ZER1: variants seen among roughly 807,000 people sequenced by gnomAD.
ZER1 encodes the protein zyg-11 related cell cycle regulator.
ZER1 carries 11 observed loss-of-function variants against 78.8 expected under a neutral mutation model. The observed-to-expected ratio is 0.14, with a 90% CI of 0.09 to 0.23. ZER1 has a LOEUF of 0.23. Ranked by LOEUF, ZER1 falls within the 10% of genes least tolerant of loss-of-function variation. The probability of loss-of-function intolerance (pLI) is 1.00; values close to 1 mark genes in which losing one functional copy is unlikely to be tolerated. For missense variants in ZER1, 588 were observed against 996.9 expected (o/e 0.59, Z 5.52); for synonymous variants, 400 against 407.0 (o/e 0.98, Z 0.21).
At chr9:128,731,441 G>GGGCC in intron 15 of ZER1, 47 bp from the exon 16 acceptor site, 1 of 704,916 alleles carries the variant, frequency 1.4e-6, no homozygotes, top group African/African-American at 1.8e-5. Context: ...CTTGGGTGGG[G>GGGCC]GTGAGCCCAG....
At position 128,734,162 on chromosome 9, in the gene ZER1, T is replaced by TATAA. The variant is rs1424101118; in HGVS notation, c.2141-635_2141-634insTTAT. ...AAAAAAAAATATATATATATATATA[T>TATAA]AAAATCTTAAAAAAAATATATATAT... On this transcript the variant is annotated intron_variant, in intron 14 of 15. Coordinates refer to ENST00000291900, the MANE Select transcript of ZER1 (RefSeq NM_006336.4). Among the ~76,000 whole-genome samples the TATAA allele has an allele frequency of 5.3e-3, 334 of 63,412 alleles. 15 individuals carry two copies. Among genetic ancestry groups the TATAA allele is most frequent in the African/African-American group, 0.014 (327 of 22,600 alleles). The allele number at this position is 63,412 out of a possible 152,430, so 41.6% of individuals were successfully genotyped here.
rs201467983 is a variant in ZER1 at position 128,758,598 on chromosome 9, CTTTGTTT to C, written c.-94-2946_-94-2940del. Among the ~76,000 whole-genome samples, 641 of 151,866 alleles carry C rather than the reference CTTTGTTT, an allele frequency of 4.2e-3. 1 individual carries two copies. Among genetic ancestry groups the C allele is most frequent in the African/African-American group, 0.011 (448 of 41,404 alleles). ...CACACCCGGCTAATCTTTCTGGTTT[CTTTGTTT>C]TTTGTTTTTTGTTTTGTAGAGACAA... is the stretch of plus-strand genomic sequence containing the variant. On this transcript the variant is annotated intron_variant, in intron 1 of 15. Coordinates refer to ENST00000291900, the MANE Select transcript of ZER1 (RefSeq NM_006336.4).
At chr9:128,752,927 T>A (rs533705914) in intron 4 of ZER1, 78 bp from the exon 5 acceptor site, 1 of 1,518,388 alleles carries the variant, frequency 6.6e-7, no homozygotes, top group South Asian at 1.3e-5. Flanking sequence ...GCTCCTTTAG[T>A]CTGTAGCAGG....
chr9:128,771,034 G>T (rs1313682986), intron 1 of ZER1, among the ~76,000 whole-genome samples: 1 of 152,098 alleles, frequency 6.6e-6, no homozygotes. Context: ...AAAACAAAAC[G>T]AATGGACTGA....
chr9:128,753,633 ACCCTTG>A lies in ZER1; in HGVS notation c.310-39_310-34del. 3.8e-6 allele frequency: 6 copies of A among 1,599,812 alleles called. No individual in the cohort carries two copies. Among genetic ancestry groups the A allele is most frequent in the Non-Finnish European group, 5.1e-6 (6 of 1,172,160 alleles). On this transcript the variant is annotated intron_variant, in intron 3 of 15. Coordinates refer to ENST00000291900, the MANE Select transcript of ZER1 (RefSeq NM_006336.4). This position sits in a 1 kb window ranked among gnomAD's most constrained non-coding sequence, Gnocchi z 7.5. ...TGGGCACAGCTCCATCATCATCACC[ACCCTTG>A]CCCCTTCCCCCGGCCCCAGGCCTTG...
chr9:128,733,303 T>C (rs1471339589), intron 15 of ZER1, 123 bp downstream of exon 15: 3 of 751,770 alleles, frequency 4.0e-6, no homozygotes, highest in Admixed American at 2.2e-5. Context: ...ACTGTCAACC[T>C]CCATACTCAA....
At chr9:128,731,423 AGGGTGGGCTTGGGTGG>A in intron 15 of ZER1, 29 bp from the exon 16 acceptor site, 2 of 415,572 alleles carry the variant, frequency 4.8e-6, no homozygotes, top group Non-Finnish European at 9.4e-6. Flanking sequence ...ACAGGATTGG[AGGGTGGGCTTGGGTGG>A]GGGTGAGCCC....
intron 1 of ZER1, among the ~76,000 whole-genome samples, chr9:128,761,908 C>A (rs1465752332): frequency 6.6e-6 from 1 of 151,814 alleles, no homozygotes; most frequent in Non-Finnish European, 1.5e-5. Context: ...CCGGCTGACC[C>A]CATCTTATAG....
Position 128,750,583 on chromosome 9 carries a change from G to A in ZER1, c.1359+33C>T, listed in dbSNP as rs200767416. Reference sequence around the variant, plus strand: ...AAGCAGGAAAGGGGTGGCTGGGCCAGAGCATGCGGGGCCGTGGCGGGTGGG... The same window carrying A: ...AAGCAGGAAAGGGGTGGCTGGGCCAAAGCATGCGGGGCCGTGGCGGGTGGG... On this transcript the variant is annotated intron_variant, in intron 8 of 15. Transcript: ENST00000291900. 5.0e-6 allele frequency: 8 copies of A among 1,606,970 alleles called. No homozygotes were observed. The East Asian group carries it at 1.6e-4, about 31-fold the overall frequency.
At chr9:128,763,474 G>A (rs1189693718) in intron 1 of ZER1, among the ~76,000 whole-genome samples, 1 of 152,224 alleles carries the variant, frequency 6.6e-6, no homozygotes, top group African/African-American at 2.4e-5. Context: ...TGCTCACTCA[G>A]TCCCTGCTGA....
At chr9:128,770,338 C>T (rs1864344467) in intron 1 of ZER1, among the ~76,000 whole-genome samples, 1 of 152,204 alleles carries the variant, frequency 6.6e-6, no homozygotes, top group South Asian at 2.1e-4. Context: ...CCATGTCGGC[C>T]AGGCTGGTCT....
Position 128,741,534 on chromosome 9 carries a change from C to G in ZER1, c.1737+1G>C, listed in dbSNP as rs749179836. 6.2e-7 allele frequency: 1 copy of G among 1,614,088 alleles called. No homozygotes were observed. The highest frequency in any genetic ancestry group is 1.1e-5 in the South Asian group (1 of 91,088). On this transcript the variant is annotated splice_donor_variant, in intron 11 of 15. Coordinates refer to ENST00000291900, the MANE Select transcript of ZER1 (RefSeq NM_006336.4). LOFTEE classifies it high-confidence loss of function. ...CTGCTGCTGCAGGAGGTGGACACTA[C>G]CTTCAGGCAGTCCAGGAAGAGCTTC...
chr9:128,733,332 A>T (rs1862903099), intron 15 of ZER1, 94 bp downstream of exon 15: 1 of 1,041,230 alleles, frequency 9.6e-7, no homozygotes, highest in African/African-American at 1.6e-5. Flanking sequence ...TGTCCCTGGG[A>T]ATTTCAGCCA....
chr9:128,747,199 A>G (rs1863522292), intron 8 of ZER1, among the ~76,000 whole-genome samples: 1 of 151,706 alleles, frequency 6.6e-6, no homozygotes, highest in Non-Finnish European at 1.5e-5. Flanking sequence ...TGTCTCAAAA[A>G]AAAAGAAAAG....
rs2132448280 is a variant in ZER1, at chr9:128,753,082, G to T, written c.746+82C>A. On this transcript the variant is annotated intron_variant, in intron 4 of 15. Coordinates refer to ENST00000291900, the MANE Select transcript of ZER1 (RefSeq NM_006336.4). The surrounding 1 kb of genome is among the most constrained non-coding windows in gnomAD (Gnocchi z 7.5). ...GCCTAGCCAAGCGCTCCTGAACCCTGAGGGCGTGACAACACCCACCTCTAC... is the reference window on the plus strand; with the variant it reads ...GCCTAGCCAAGCGCTCCTGAACCCTTAGGGCGTGACAACACCCACCTCTAC... The T allele has an allele frequency of 7.2e-7, 1 of 1,385,980 alleles. No individual in the cohort carries two copies. The allele number at this position is 1,385,980 out of a possible 1,614,324, so 85.9% of individuals were successfully genotyped here.
chr9:128,750,721 G>T lies in ZER1; in HGVS notation c.1254C>A (p.Leu418=). ...GGTACTCGGAATTTGTTAGGTAGAA[G>T]AGAGCGGCGCTGCCTGTCACTTGAA... is the stretch of plus-strand genomic sequence containing the variant. ...RNIQVTGSAA[L]FYLTNSEYRS... Residue 418 remains leucine, a synonymous_variant, in exon 8 of 16, where the codon CTC becomes CTA. Transcript: ENST00000291900. The T allele has an allele frequency of 6.2e-7, 1 of 1,614,244 alleles. No individual in the cohort carries two copies. The highest frequency in any genetic ancestry group is 8.5e-7 in the Non-Finnish European group (1 of 1,180,046).
chr9:128,746,745 C>T (rs1863505826), intron 8 of ZER1, among the ~76,000 whole-genome samples: 1 of 151,862 alleles, frequency 6.6e-6, no homozygotes, highest in Admixed American at 6.6e-5. Context: ...AAGAGATTCT[C>T]CTGCCTCAGC....
chr9:128,748,570 ATTTGTT>A (rs1294722920), intron 8 of ZER1, among the ~76,000 whole-genome samples: 1 of 150,744 alleles, frequency 6.6e-6, no homozygotes, highest in East Asian at 2.0e-4. Flanking sequence ...GACCCTGTGT[ATTTGTT>A]TTTGTTTTTC....
Position 128,755,769 on chromosome 9 carries a change from C to T in ZER1, c.-94-110G>A. ...ACTGAGACCACACTCCAATTAGCAG[C>T]TTAGCAGGGCCAGGCCCAGGTCTCC... On this transcript the variant is annotated intron_variant, in intron 1 of 15. Transcript: ENST00000291900. The surrounding 1 kb of genome is among the most constrained non-coding windows in gnomAD (Gnocchi z 5.6). 1.6e-6 allele frequency: 1 copy of T among 639,218 alleles called. No homozygotes were observed. The allele number at this position is 639,218 out of a possible 1,614,324, so 39.6% of individuals were successfully genotyped here.
Sources: allele counts gnomAD v4.1 joint callset (sites outside exome capture counted in the v4.1 genomes callset), GRCh38; gene constraint gnomAD v4.1.1; non-coding constraint Gnocchi (gnomAD v3.1); transcripts MANE v1.5; gene names NCBI Gene and HGNC (gene_info 2026-07-23, HGNC 2026-07-21).